The following FNDC3A variants were observed in gnomAD, a reference collection of about 807,000 sequenced individuals.
FNDC3A encodes the protein fibronectin type III domain containing 3A.
In FNDC3A, 32 loss-of-function variants were observed where a neutral mutation model predicts 148.9. That is an observed-to-expected ratio of 0.21 (90% CI 0.16 to 0.29). FNDC3A has a LOEUF of 0.29. FNDC3A is among the 10% of genes least tolerant of loss of function. FNDC3A has a pLI of 1.00. For synonymous variants in FNDC3A, 472 were observed against 473.6 expected (o/e 1.00, Z 0.04); for missense variants, 1,191 against 1,452.8 (o/e 0.82, Z 2.93).
Position 49,136,451 on chromosome 13 carries a change from C to A in FNDC3A, c.610C>A (p.Pro204Thr). 6.2e-7 allele frequency: 1 copy of A among 1,614,032 alleles called. No individual in the cohort carries two copies. The highest frequency in any genetic ancestry group is 8.5e-7 in the Non-Finnish European group (1 of 1,179,998). ...QGTQKDKMSS[P>T]PSSPQKCPSP... Reference sequence around the variant, plus strand: ...AACACAGAAAGATAAAATGAGCAGTCCACCATCATCACCCCAGAAATGCCC... The same window carrying A: ...AACACAGAAAGATAAAATGAGCAGTACACCATCATCACCCCAGAAATGCCC... The change falls in exon 6 of 26, where the codon CCA becomes ACA. Residue 204 changes from proline to threonine, a missense_variant. Physicochemically the swap from Pro to Thr is conservative, Grantham distance 38 (BLOSUM62 -1). Around this residue, in one of 3 missense-constraint regions of FNDC3A, gnomAD observed 426 missense variants for 473.2 expected, o/e 0.90. Transcript: ENST00000492622.
At position 49,201,881 on chromosome 13, in the gene FNDC3A, T is replaced by G; in HGVS notation, c.3069T>G (p.Ile1023Met). 6.3e-7 allele frequency: 1 copy of G among 1,595,920 alleles called. No homozygotes were observed. Among genetic ancestry groups the G allele is most frequent in the South Asian group, 1.1e-5 (1 of 89,004 alleles). ...LNESTSYKFC[I>M]QACNEAGEGP... ...AGTCAACATCCTATAAATTCTGTAT[T>G]CAAGCTTGTAATGAAGCTGGGGAAG... Residue 1023 changes from isoleucine (I) to methionine (M), a missense_variant, in exon 24 of 26, where the codon ATT becomes ATG. This residue lies in a region of FNDC3A where 751 missense variants were observed against 944.0 expected (regional missense o/e 0.80). Transcript: ENST00000492622.
At chr13:49,201,405 C>T (rs559673950) in intron 23 of FNDC3A, among the ~76,000 whole-genome samples, 1 of 152,182 alleles carries the variant, frequency 6.6e-6, no homozygotes, top group South Asian at 2.1e-4. Context: ...CCATACTTGG[C>T]AAATTTTATC....
intron 1 of FNDC3A, chr13:48,976,629 G>A (rs988093391): frequency 3.3e-5 from 5 of 152,360 alleles, no homozygotes; most frequent in African/African-American, 1.2e-4. Context: ...CCTCCTGAGA[G>A]GATCGCCCAG....
intron 2 of FNDC3A, among the ~76,000 whole-genome samples, chr13:49,028,204 G>GA (rs1327244817): frequency 2.6e-5 from 4 of 151,614 alleles, no homozygotes; most frequent in Admixed American, 6.6e-5. Context: ...AACAGAGTGA[G>GA]ACTCTGTCTT....
intron 1 of FNDC3A, among the ~76,000 whole-genome samples, chr13:48,990,681 G>C (rs778291930): frequency 6.6e-6 from 1 of 151,252 alleles, no homozygotes; most frequent in Non-Finnish European, 1.5e-5. Flanking sequence ...AGGATCGCTT[G>C]AACCCAGGAG....
chr13:49,178,728 CTGTTTGTTTGTT>C (rs541414029), intron 14 of FNDC3A, 74 bp downstream of exon 14: 1 of 850,282 alleles, frequency 1.2e-6, no homozygotes, highest in Non-Finnish European at 1.8e-6. Flanking sequence ...TCTTTGTTTT[CTGTTTGTTTGTT>C]TGTTTGTTTT....
At chr13:49,017,104 G>A (rs1872864637) in intron 2 of FNDC3A, among the ~76,000 whole-genome samples, 1 of 152,170 alleles carries the variant, frequency 6.6e-6, no homozygotes, top group South Asian at 2.1e-4. Flanking sequence ...GAGTTCTGCA[G>A]ATGTCTATTA....
intron 17 of FNDC3A, among the ~76,000 whole-genome samples, chr13:49,188,977 A>G (rs1201554636): frequency 6.6e-6 from 1 of 152,238 alleles, no homozygotes; most frequent in East Asian, 1.9e-4. Flanking sequence ...TTACTGCTCC[A>G]TAAATTATGT....
At chr13:49,043,575 G>A (rs187861135) in intron 2 of FNDC3A, among the ~76,000 whole-genome samples, 2 of 152,094 alleles carry the variant, frequency 1.3e-5, no homozygotes, top group South Asian at 4.2e-4. Flanking sequence ...ATTAAAACAT[G>A]CTGTCATGAT....
rs146239665 is a variant in FNDC3A, at chr13:49,151,769, G to A, written c.977+5834G>A. On this transcript the variant is annotated intron_variant, in intron 8 of 25. Coordinates refer to ENST00000492622, the MANE Select transcript of FNDC3A (RefSeq NM_001079673.2). ...ACAGGCCCCAGTGTGTGATGTTCCC[G>A]GCCCTGTGTCCAAGTGTTATCATTG... 9.6e-3 allele frequency among the ~76,000 whole-genome samples: 1,452 copies of A among 151,938 alleles called. 14 individuals carry two copies. The highest frequency in any genetic ancestry group is 0.023 in the African/African-American group (936 of 41,430).
At chr13:48,987,432 C>T (rs1018131943) in intron 1 of FNDC3A, among the ~76,000 whole-genome samples, 3 of 152,104 alleles carry the variant, frequency 2.0e-5, no homozygotes, top group African/African-American at 2.4e-5. Flanking sequence ...ACAGGATTTT[C>T]ATGTTAGTAT....
chr13:48,985,581 G>T (rs773879346), intron 1 of FNDC3A, among the ~76,000 whole-genome samples: 1 of 152,042 alleles, frequency 6.6e-6, no homozygotes, highest in African/African-American at 2.4e-5. Context: ...AGACATAGAT[G>T]TACTTCTTAA....
At chr13:48,992,213 A>G (rs1325991183) in intron 1 of FNDC3A, among the ~76,000 whole-genome samples, 1 of 152,258 alleles carries the variant, frequency 6.6e-6, no homozygotes, top group Non-Finnish European at 1.5e-5. Flanking sequence ...TTCTTAAAAC[A>G]GGAGAAAATC....
chr13:49,123,327 C>T (rs1881481867), intron 4 of FNDC3A, among the ~76,000 whole-genome samples: 1 of 152,170 alleles, frequency 6.6e-6, no homozygotes, highest in Admixed American at 6.5e-5. Flanking sequence ...CCTTTCCTTA[C>T]ACTTTATACA....
chr13:49,156,725 A>C (rs941085066), intron 8 of FNDC3A, among the ~76,000 whole-genome samples: 1 of 148,698 alleles, frequency 6.7e-6, no homozygotes, highest in Non-Finnish European at 1.5e-5. Context: ...GGTGGTGACA[A>C]AATCTCTCAG....
At chr13:49,006,723 AT>A (rs995603428) in intron 2 of FNDC3A, among the ~76,000 whole-genome samples, 8 of 151,866 alleles carry the variant, frequency 5.3e-5, no homozygotes, top group South Asian at 2.1e-4. Context: ...AAGCTGATAG[AT>A]TTTTTTCCCC....
At chr13:49,092,584 G>GACACTCAGTATTAATCATC (rs1390849166) in intron 3 of FNDC3A, among the ~76,000 whole-genome samples, 2 of 151,978 alleles carry the variant, frequency 1.3e-5, no homozygotes, top group East Asian at 3.9e-4. Flanking sequence ...CAATCAAGTT[G>GACACTCAGTATTAATCATC]ACACTCAGTA....
At chr13:49,001,407 A>G (rs1204274394) in intron 1 of FNDC3A, among the ~76,000 whole-genome samples, 2 of 152,210 alleles carry the variant, frequency 1.3e-5, no homozygotes, top group Non-Finnish European at 1.5e-5. Flanking sequence ...TGTTTGAACA[A>G]TATGAAATCT....
intron 5 of FNDC3A, among the ~76,000 whole-genome samples, chr13:49,131,892 A>G (rs149873548): frequency 3.6e-4 from 55 of 152,324 alleles, no homozygotes; most frequent in Admixed American, 2.1e-3. Context: ...CATAGCTTTA[A>G]ACACTGCCTT....
Sources: allele counts gnomAD v4.1 joint callset (sites outside exome capture counted in the v4.1 genomes callset), GRCh38; gene constraint gnomAD v4.1.1; regional missense constraint gnomAD v4.1.1; transcripts MANE v1.5; gene names NCBI Gene and HGNC (gene_info 2026-07-23, HGNC 2026-07-21).